Variants in ZNF727 observed in about 807,000 individuals in gnomAD.
The protein encoded by ZNF727 is putative zinc finger protein 727.
ZNF727 carries 11 observed loss-of-function variants against 11.5 expected under a neutral mutation model. The ratio of observed to expected loss-of-function variants is 0.95; its 90% CI spans 0.60 to 1.58. The LOEUF is 1.58. Ranked by LOEUF, ZNF727 falls within the 40% of genes most tolerant of loss-of-function variation. ZNF727 has a pLI of 0.00. For missense variants in ZNF727, 533 were observed against 581.7 expected (o/e 0.92, Z 0.86); for synonymous variants, 171 against 196.1 (o/e 0.87, Z 1.07).
At position 64,078,916 on chromosome 7, in the gene ZNF727, A is replaced by G. The variant is rs1266398644; in HGVS notation, c.*367A>G. ...GAGAGAAACCCTACAAATGTAATGA[A>G]TGTGGAAAAGGTTTTATGTGGATCT... is the stretch of plus-strand genomic sequence containing the variant. On this transcript the variant is annotated 3_prime_UTR_variant, in exon 4 of 4. Coordinates refer to ENST00000456806, the MANE Select transcript of ZNF727 (RefSeq NM_001159522.3). Among the ~76,000 whole-genome samples the G allele has an allele frequency of 1.3e-5, 2 of 152,170 alleles. No individual in the cohort carries two copies. The highest frequency in any genetic ancestry group is 2.9e-5 in the Non-Finnish European group (2 of 68,022).
intron 1 of ZNF727, among the ~76,000 whole-genome samples, chr7:64,068,094 C>G (rs1440439785): frequency 6.6e-6 from 1 of 152,040 alleles, no homozygotes; most frequent in African/African-American, 2.4e-5. Flanking sequence ...CTTTGTTAAT[C>G]AGCACCGGAT....
chr7:64,071,240 CA>C (rs1466692718), intron 3 of ZNF727, among the ~76,000 whole-genome samples: 2 of 151,938 alleles, frequency 1.3e-5, no homozygotes, highest in Non-Finnish European at 2.9e-5. Context: ...GAATGTACAT[CA>C]TTTTTTTTCT....
intron 1 of ZNF727, among the ~76,000 whole-genome samples, chr7:64,051,058 A>G (rs1789590634): frequency 1.3e-5 from 2 of 152,294 alleles, no homozygotes; most frequent in Admixed American, 6.5e-5. Flanking sequence ...TTGAACATTT[A>G]TCTTTGGAAT....
Position 64,082,829 on chromosome 7 carries a change from C to T in ZNF727, c.*4280C>T, listed in dbSNP as rs753007690. 4.6e-5 allele frequency among the ~76,000 whole-genome samples: 7 copies of T among 151,278 alleles called. No homozygotes were observed. The highest frequency in any genetic ancestry group is 2.0e-4 in the Admixed American group (3 of 15,128). ...CCCAGGAGGCAGATGTTGCTGTGAG[C>T]GGAGATTGTGCCACTGCACTCCAGC... On this transcript the variant is annotated 3_prime_UTR_variant, in exon 4 of 4. Coordinates refer to ENST00000456806, the MANE Select transcript of ZNF727 (RefSeq NM_001159522.3).
intron 1 of ZNF727, among the ~76,000 whole-genome samples, chr7:64,063,090 T>C (rs578191572): frequency 1.8e-3 from 158 of 89,150 alleles, no homozygotes; most frequent in African/African-American, 4.8e-3. Flanking sequence ...AAAGGTTACA[T>C]ATCTCTGTCT....
chr7:64,069,680 A>C, intron 3 of ZNF727, 71 bp downstream of exon 3: 1 of 1,199,882 alleles, frequency 8.3e-7, no homozygotes, highest in Non-Finnish European at 1.2e-6. Flanking sequence ...CCAGACCTTG[A>C]AACATGCTTC....
intron 3 of ZNF727, among the ~76,000 whole-genome samples, chr7:64,071,221 C>T (rs1420098934): frequency 6.6e-6 from 1 of 151,944 alleles, no homozygotes; most frequent in African/African-American, 2.4e-5. Flanking sequence ...AGAAATTACA[C>T]ATCACCAAGA....
At chr7:64,050,409 A>G (rs1266407050) in intron 1 of ZNF727, among the ~76,000 whole-genome samples, 1 of 152,174 alleles carries the variant, frequency 6.6e-6, no homozygotes, top group Non-Finnish European at 1.5e-5. Context: ...ATGAGGAAAA[A>G]CAGGTACCCT....
intron 1 of ZNF727, among the ~76,000 whole-genome samples, chr7:64,050,480 A>G (rs1789576378): frequency 6.6e-6 from 1 of 152,176 alleles, no homozygotes; most frequent in Non-Finnish European, 1.5e-5. Flanking sequence ...CCAGGCTGCT[A>G]GAAGTTTCCT....
intron 1 of ZNF727, among the ~76,000 whole-genome samples, chr7:64,056,838 ACTGTTTATCAGGATTCCCTTCTTTAG>A (rs1195034428): frequency 6.6e-6 from 1 of 152,042 alleles, no homozygotes; most frequent in African/African-American, 2.4e-5. Context: ...CTTTAACCAC[ACTGTTTATCAGGATTCCCTTCTTTAG>A]CTCCTTTTTT....
chr7:64,055,427 A>G (rs1053043418), intron 1 of ZNF727, among the ~76,000 whole-genome samples: 3 of 151,334 alleles, frequency 2.0e-5, no homozygotes, highest in Admixed American at 2.0e-4. Context: ...AAAAAAAAAA[A>G]GTGTACATAA....
rs545094606 is a variant in ZNF727, at chr7:64,077,910, A to C, written c.861A>C (p.Lys287Asn). The change falls in exon 4 of 4, where the codon AAA (lysine) becomes AAC (asparagine). Residue 287 changes from lysine (K) to asparagine (N), a missense_variant. Physicochemically the swap from Lys to Asn is moderately conservative, Grantham distance 94. This residue lies in a region of ZNF727 where 463 missense variants were observed against 494.5 expected (regional missense o/e 0.94). Coordinates refer to ENST00000456806, the MANE Select transcript of ZNF727 (RefSeq NM_001159522.3). ...IHTGEKPYKCKECHKAFRCCS... is the reference protein window; with the variant it reads ...IHTGEKPYKCNECHKAFRCCS... The stretch of plus-strand genomic sequence containing the variant: ...CTGGAGAGAAACCCTACAAATGTAA[A>C]GAATGTCACAAAGCCTTTAGGTGTT... 1 of 1,587,202 alleles carries C rather than the reference A, an allele frequency of 6.3e-7. No individual in the cohort carries two copies. The highest frequency in any genetic ancestry group is 1.8e-5 in the Admixed American group (1 of 55,546).
intron 1 of ZNF727, among the ~76,000 whole-genome samples, chr7:64,052,244 T>TAAAA (rs1374865748): frequency 1.3e-5 from 2 of 152,170 alleles, no homozygotes; most frequent in Non-Finnish European, 2.9e-5. Flanking sequence ...TCTCTGCAGG[T>TAAAA]GTTTTTCTTT....
At chr7:64,061,243 A>T (rs1461129684) in intron 1 of ZNF727, among the ~76,000 whole-genome samples, 1 of 152,012 alleles carries the variant, frequency 6.6e-6, no homozygotes, top group East Asian at 1.9e-4. Flanking sequence ...TACTATCTGG[A>T]TTATGTGTCT....
rs2116333531 is a variant in ZNF727 at position 64,078,788 on chromosome 7, C to G, written c.*239C>G. Among the ~76,000 whole-genome samples, 1 of 152,054 alleles carries G rather than the reference C, an allele frequency of 6.6e-6. No homozygotes were observed. Among genetic ancestry groups the G allele is most frequent in the South Asian group, 2.1e-4 (1 of 4,810 alleles). ...CCTGTGTTTCTCAGACCTGACTAAT[C>G]AAAAGAGAATTCACCCTGGAGAGAA... On this transcript the variant is annotated 3_prime_UTR_variant, in exon 4 of 4. Transcript: ENST00000456806.
intron 1 of ZNF727, among the ~76,000 whole-genome samples, chr7:64,050,443 C>T (rs182439407): frequency 1.4e-4 from 21 of 152,222 alleles, no homozygotes; most frequent in South Asian, 4.2e-4. Context: ...AAGCCTGTGG[C>T]GCTTTATCTG....
intron 1 of ZNF727, among the ~76,000 whole-genome samples, chr7:64,049,980 C>T (rs1789565689): frequency 6.6e-6 from 1 of 151,708 alleles, no homozygotes; most frequent in South Asian, 2.1e-4. Context: ...CTAATACACT[C>T]ATCTGAAGTT....
At position 64,051,980 on chromosome 7, in the gene ZNF727, A is replaced by G. The variant is rs566899717; in HGVS notation, c.3+6356A>G. On this transcript the variant is annotated intron_variant, in intron 1 of 3. Transcript: ENST00000456806. ...TCGGTCCATTTACCCAGGCATTTGC[A>G]AGGTGAAGCTCCATAGGTATTATAC... Among the ~76,000 whole-genome samples, 139 of 152,310 alleles carry G rather than the reference A, an allele frequency of 9.1e-4. 1 individual carries two copies. The highest frequency in any genetic ancestry group is 3.1e-3 in the African/African-American group (129 of 41,576).
rs1785746923 is a variant in ZNF727 at position 64,079,313 on chromosome 7, C to T, written c.*764C>T. Among the ~76,000 whole-genome samples the T allele has an allele frequency of 1.3e-5, 2 of 152,140 alleles. No homozygotes were observed. Among genetic ancestry groups the T allele is most frequent in the Non-Finnish European group, 2.9e-5 (2 of 68,018 alleles). On this transcript the variant is annotated 3_prime_UTR_variant, in exon 4 of 4. Transcript: ENST00000456806. ...TCAACATCAGAGACTTACTACTGAACAAATGTAGTATAAAGGTAATGACTT... is the reference window on the plus strand; with the variant it reads ...TCAACATCAGAGACTTACTACTGAATAAATGTAGTATAAAGGTAATGACTT...
Sources: allele counts gnomAD v4.1 joint callset (sites outside exome capture counted in the v4.1 genomes callset), GRCh38; gene constraint gnomAD v4.1.1; regional missense constraint gnomAD v4.1.1; transcripts MANE v1.5; gene names NCBI Gene and HGNC (gene_info 2026-07-23, HGNC 2026-07-21).